Variants in LRP2 observed in about 807,000 individuals in gnomAD.
The protein encoded by LRP2 is LDL receptor related protein 2.
In LRP2, 172 loss-of-function variants were observed where a neutral mutation model predicts 531.0. The ratio of observed to expected loss-of-function variants is 0.32; its 90% confidence interval spans 0.29 to 0.37. The LOEUF (loss-of-function observed/expected upper bound fraction) is 0.37. LRP2 is among the 10% of genes least tolerant of loss of function. The pLI is 1.00. For synonymous variants in LRP2, 1,992 were observed against 2,027.6 expected (o/e 0.98, Z 0.47); for missense variants, 5,167 against 5,868.3 (o/e 0.88, Z 3.90).
chr2:169,350,095 T>C (rs1431968847), intron 1 of LRP2, among the ~76,000 whole-genome samples: 1 of 152,236 alleles, frequency 6.6e-6, no homozygotes, highest in Non-Finnish European at 1.5e-5. Flanking sequence ...TAGATGTATT[T>C]TGAAGATCAA....
chr2:169,331,766 G>T (rs775841012), intron 1 of LRP2, among the ~76,000 whole-genome samples: 6 of 152,148 alleles, frequency 3.9e-5, no homozygotes, highest in Non-Finnish European at 7.3e-5. Context: ...CACACCCTGT[G>T]CAAAAACTAC....
intron 3 of LRP2, among the ~76,000 whole-genome samples, chr2:169,314,997 T>C (rs1254729400): frequency 6.6e-6 from 1 of 152,220 alleles, no homozygotes. Context: ...GCTCGTTCAA[T>C]TACCTTGGCT....
intron 44 of LRP2, among the ~76,000 whole-genome samples, chr2:169,199,975 G>T (rs1309104254): frequency 1.3e-5 from 2 of 152,152 alleles, no homozygotes; most frequent in Non-Finnish European, 2.9e-5. Context: ...TTCTGGCCGG[G>T]TGCAGTGGCT....
Position 169,323,523 on chromosome 2 carries a change from T to A in LRP2, c.80-2639A>T, listed in dbSNP as rs1377640245. Among the ~76,000 whole-genome samples the A allele has an allele frequency of 2.0e-5, 3 of 152,162 alleles. No homozygotes were observed. In the East Asian group the frequency reaches 5.8e-4, roughly 29 times the overall value. On this transcript the variant is annotated intron_variant, in intron 1 of 78. Coordinates refer to ENST00000649046, the MANE Select transcript of LRP2 (RefSeq NM_004525.3). ...TGCCCCTTACTTCAATTAGTCTATATGCAATTTATTTTGAGTGTTTTGTTT... is the reference window on the plus strand; with the variant it reads ...TGCCCCTTACTTCAATTAGTCTATAAGCAATTTATTTTGAGTGTTTTGTTT...
intron 3 of LRP2, among the ~76,000 whole-genome samples, chr2:169,314,844 T>G (rs749437176): frequency 6.6e-6 from 1 of 152,220 alleles, no homozygotes; most frequent in Non-Finnish European, 1.5e-5. Context: ...GATTAATACT[T>G]CCTCATTAAA....
At chr2:169,160,682 T>TAAAAAAAAAAAAAAAAAA (rs781574242) in intron 63 of LRP2, among the ~76,000 whole-genome samples, 1 of 52,814 alleles carries the variant, frequency 1.9e-5, no homozygotes, top group African/African-American at 9.6e-5. Flanking sequence ...CTTATTTCCT[T>TAAAAAAAAAAAAAAAAAA]AAAAAAAAAA....
intron 3 of LRP2, 55 bp from the exon 4 acceptor site, chr2:169,307,452 A>T (rs1442471272): frequency 2.0e-6 from 2 of 1,005,914 alleles, no homozygotes; most frequent in African/African-American, 3.2e-5. Flanking sequence ...ACACAGACTA[A>T]TCTATTGTCA....
intron 16 of LRP2, among the ~76,000 whole-genome samples, chr2:169,267,269 C>T (rs886877295): frequency 1.3e-5 from 2 of 152,156 alleles, no homozygotes; most frequent in South Asian, 2.1e-4. Flanking sequence ...TCTCTGCTTA[C>T]ATAACTATCC....
At position 169,348,955 on chromosome 2, in the gene LRP2, T is replaced by C. The variant is rs374593654; in HGVS notation, c.79+13366A>G. 1.6e-4 allele frequency among the ~76,000 whole-genome samples: 24 copies of C among 152,254 alleles called. 1 individual carries two copies. The South Asian group carries it at 5.0e-3, about 32-fold the overall frequency. On this transcript the variant is annotated intron_variant, in intron 1 of 78. Coordinates refer to ENST00000649046, the MANE Select transcript of LRP2 (RefSeq NM_004525.3). ...GGGGCCTCGAGGAATTAAGGGCTGG[T>C]AGTACCAGGGAATGGTGATGAGCTG...
At chr2:169,272,176 A>C (rs889210439) in intron 15 of LRP2, among the ~76,000 whole-genome samples, 2 of 152,162 alleles carry the variant, frequency 1.3e-5, no homozygotes, top group African/African-American at 4.8e-5. Context: ...TGTCACAGGC[A>C]CAGAAAGGAG....
chr2:169,271,134 C>A, intron 15 of LRP2, 27 bp from the exon 16 acceptor site: 1 of 1,527,302 alleles, frequency 6.5e-7, no homozygotes, highest in South Asian at 1.1e-5. Context: ...ACAGCACAGT[C>A]AGTCACAGCA....
At chr2:169,186,271 G>C (rs1227134987) in intron 49 of LRP2, among the ~76,000 whole-genome samples, 1 of 152,198 alleles carries the variant, frequency 6.6e-6, no homozygotes. Flanking sequence ...GAAGAAAAGA[G>C]CCTGGCCAGT....
intron 14 of LRP2, among the ~76,000 whole-genome samples, chr2:169,274,014 A>T (rs569862297): frequency 6.6e-6 from 1 of 152,166 alleles, no homozygotes; most frequent in Non-Finnish European, 1.5e-5. Context: ...ATTGAAGGAG[A>T]TTCATCTGAA....
chr2:169,218,902 C>T (rs1688889154), intron 34 of LRP2, among the ~76,000 whole-genome samples: 1 of 152,158 alleles, frequency 6.6e-6, no homozygotes, highest in Admixed American at 6.5e-5. Flanking sequence ...AGAGCTTCCT[C>T]CCATCTTCTG....
At chr2:169,178,047 A>G in intron 52 of LRP2, 21 bp from the exon 53 acceptor site, 2 of 1,561,210 alleles carry the variant, frequency 1.3e-6, no homozygotes, top group African/African-American at 1.4e-5. Context: ...AAGCAGAAAC[A>G]GTTATGTGAT....
intron 63 of LRP2, among the ~76,000 whole-genome samples, chr2:169,161,932 T>G (rs1018508958): frequency 2.6e-5 from 4 of 152,230 alleles, no homozygotes; most frequent in Non-Finnish European, 5.9e-5. Context: ...CCAGGGTACA[T>G]GTGCACAACG....
At chr2:169,216,490 A>G in intron 34 of LRP2, 60 bp from the exon 35 acceptor site, 2 of 1,509,466 alleles carry the variant, frequency 1.3e-6, no homozygotes, top group Middle Eastern at 1.7e-4. Context: ...AGTCAGTGAC[A>G]TAAATGACAA....
At chr2:169,247,354 A>G (rs1198715552) in intron 20 of LRP2, 24 bp downstream of exon 20, 1 of 1,613,370 alleles carries the variant, frequency 6.2e-7, no homozygotes, top group Non-Finnish European at 8.5e-7. Context: ...AAAAAAATAA[A>G]AAAAACTGGG....
chr2:169,228,624 C>T (rs1689286681), intron 31 of LRP2, among the ~76,000 whole-genome samples: 1 of 152,172 alleles, frequency 6.6e-6, no homozygotes, highest in African/African-American at 2.4e-5. Context: ...TGGTGCTCTT[C>T]CCTTAAGCAC....
Sources: gnomAD v4.1 joint callset for allele counts (sites outside exome capture counted in the v4.1 genomes callset) on GRCh38, gnomAD v4.1.1 for gene constraint, MANE v1.5 for transcripts, NCBI Gene and HGNC (gene_info 2026-07-23, HGNC 2026-07-21) for gene names.